The following ZC3HAV1 variants were observed in gnomAD, a reference collection of about 807,000 sequenced individuals.
ZC3HAV1 encodes the protein zinc finger CCCH-type antiviral protein 1.
In ZC3HAV1, 41 loss-of-function variants were observed where a neutral mutation model predicts 86.6. The observed-to-expected ratio is 0.47, with a 90% CI of 0.37 to 0.61. The LOEUF is 0.61. Among genes scored for constraint, ZC3HAV1 ranks in the 20% least tolerant of loss-of-function variants. The probability of loss-of-function intolerance (pLI) is 0.00; values close to 1 mark genes in which losing one functional copy is unlikely to be tolerated. For missense variants in ZC3HAV1, 964 were observed against 1,141.1 expected, an observed-to-expected ratio of 0.84 and a Z score of 2.24; for synonymous variants, 421 against 432.1, an observed-to-expected ratio of 0.97 and a Z score of 0.32.
At chr7:139,056,688 T>A (rs1308087664) in intron 9 of ZC3HAV1, among the ~76,000 whole-genome samples, 1 of 152,180 alleles carries the variant, frequency 6.6e-6, no homozygotes, top group African/African-American at 2.4e-5. Context: ...ATTACAGGCA[T>A]GAGCCACCAC....
At chr7:139,080,533 G>A (rs1054777621) in intron 3 of ZC3HAV1, among the ~76,000 whole-genome samples, 32 of 152,136 alleles carry the variant, frequency 2.1e-4, no homozygotes, top group African/African-American at 7.2e-4. Flanking sequence ...GGGCTCCAGC[G>A]ATCCTCCCAC....
chr7:139,095,695 G>A (rs924546033), intron 1 of ZC3HAV1, among the ~76,000 whole-genome samples: 24 of 152,120 alleles, frequency 1.6e-4, no homozygotes, highest in African/African-American at 5.3e-4. Context: ...AACAGCACCG[G>A]TGCCACCAAA....
At chr7:139,095,121 C>T (rs1306169456) in intron 1 of ZC3HAV1, among the ~76,000 whole-genome samples, 2 of 151,866 alleles carry the variant, frequency 1.3e-5, no homozygotes, top group Non-Finnish European at 2.9e-5. Context: ...AAATCACTCA[C>T]CATGATATAA....
intron 8 of ZC3HAV1, among the ~76,000 whole-genome samples, chr7:139,062,546 T>A (rs1199106942): frequency 6.6e-6 from 1 of 152,252 alleles, no homozygotes; most frequent in Non-Finnish European, 1.5e-5. Context: ...ATTTTCTCAG[T>A]AACTGTTACC....
chr7:139,063,533 G>A (rs1816507383), intron 8 of ZC3HAV1, among the ~76,000 whole-genome samples: 1 of 151,860 alleles, frequency 6.6e-6, no homozygotes, highest in Admixed American at 6.6e-5. Context: ...ATCAGCCTGG[G>A]CAACAAAGTG....
chr7:139,098,142 G>C (rs985139157), intron 1 of ZC3HAV1, among the ~76,000 whole-genome samples: 1 of 151,856 alleles, frequency 6.6e-6, no homozygotes, highest in Non-Finnish European at 1.5e-5. Context: ...TAGAGATGGG[G>C]TTCCACCATC....
intron 3 of ZC3HAV1, 110 bp downstream of exon 3, chr7:139,083,670 T>C (rs1817191253): frequency 7.3e-7 from 1 of 1,376,102 alleles, no homozygotes; most frequent in South Asian, 1.6e-5. Context: ...GAGGTTGCAG[T>C]GAGCTGAGAT....
chr7:139,066,418 G>A (rs753210951), intron 7 of ZC3HAV1, among the ~76,000 whole-genome samples: 9 of 152,268 alleles, frequency 5.9e-5, no homozygotes, highest in Admixed American at 1.3e-4. Flanking sequence ...CATGGTGGGA[G>A]CAGAAAGCAG....
In ZC3HAV1 at chr7:139,108,963, G is replaced by T. The variant is rs1818019620; in HGVS notation, c.308+61C>A. Reference sequence around the variant, plus strand: ...CCGTGCCCCTCCCAGAACATTGCCCGCCTGGACAGTCCACCCCGACCACGG... The same window carrying T: ...CCGTGCCCCTCCCAGAACATTGCCCTCCTGGACAGTCCACCCCGACCACGG... On this transcript the variant is annotated intron_variant, in intron 1 of 12. Coordinates refer to ENST00000242351, the MANE Select transcript of ZC3HAV1 (RefSeq NM_020119.4). The surrounding 1 kb of genome is among the most constrained non-coding windows in gnomAD (Gnocchi z 4.2). The T allele has an allele frequency of 1.1e-5, 16 of 1,487,300 alleles. No individual in the cohort carries two copies. The South Asian group carries it at 2.0e-4, about 19-fold the overall frequency. The allele number at this position is 1,487,300 out of a possible 1,614,324, so 92.1% of individuals were successfully genotyped here.
rs1377403985 is a variant in ZC3HAV1, at chr7:139,044,169, A to C, written c.*3425T>G. ...GACAATCTGTAATTTGTCTTGTCCTATTATCCTTAAGTAAGGTAATTTCGC... is the reference window on the plus strand; with the variant it reads ...GACAATCTGTAATTTGTCTTGTCCTCTTATCCTTAAGTAAGGTAATTTCGC... On this transcript the variant is annotated 3_prime_UTR_variant, in exon 13 of 13. Transcript: ENST00000242351. 2 of 152,202 alleles carry C rather than the reference A, an allele frequency of 1.3e-5. No homozygotes were observed. The highest frequency in any genetic ancestry group is 2.4e-5 in the African/African-American group (1 of 41,458). 9.4% of individuals were successfully genotyped at this position (152,202 alleles called of 1,614,324 possible).
chr7:139,057,061 AAGTT>A (rs1346683661), intron 9 of ZC3HAV1, among the ~76,000 whole-genome samples: 4 of 152,094 alleles, frequency 2.6e-5, no homozygotes, highest in Admixed American at 2.0e-4. Context: ...AAAAGAAAAA[AAGTT>A]AGGCCAGGTG....
chr7:139,064,243 G>A (rs764825203), intron 8 of ZC3HAV1, among the ~76,000 whole-genome samples: 2 of 152,176 alleles, frequency 1.3e-5, no homozygotes, highest in South Asian at 2.1e-4. Flanking sequence ...TGCAAGTCCC[G>A]AAAGGGCAAG....
chr7:139,105,066 T>C (rs2130742352), intron 1 of ZC3HAV1, among the ~76,000 whole-genome samples: 1 of 150,268 alleles, frequency 6.7e-6, no homozygotes, highest in East Asian at 2.0e-4. Flanking sequence ...AAAGAAAAGT[T>C]AGCCGGACAT....
chr7:139,097,358 A>T (rs1386344375), intron 1 of ZC3HAV1, among the ~76,000 whole-genome samples: 1 of 139,396 alleles, frequency 7.2e-6, no homozygotes, highest in Middle Eastern at 3.8e-3. Context: ...CCCAGAAGCT[A>T]CTCAAAACAA....
intron 3 of ZC3HAV1, 146 bp from the exon 4 acceptor site, chr7:139,080,389 A>G (rs1817094159): frequency 9.8e-7 from 1 of 1,025,592 alleles, no homozygotes; most frequent in Non-Finnish European, 1.4e-6. Context: ...GATGTGTAAA[A>G]ATCTTGAAGA....
chr7:139,060,226 G>A, intron 9 of ZC3HAV1: 7 of 984,702 alleles, frequency 7.1e-6, no homozygotes, highest in Non-Finnish European at 8.4e-6. Flanking sequence ...CAAATAGCTT[G>A]AATTCTTACA....
In ZC3HAV1 at chr7:139,080,231, T is replaced by C. The variant is rs747676639; in HGVS notation, c.710A>G (p.His237Arg). Residue 237 changes from histidine to arginine, a missense_variant, in exon 4 of 13, where the codon CAT becomes CGT. Coordinates refer to ENST00000242351, the MANE Select transcript of ZC3HAV1 (RefSeq NM_020119.4). ...AGCCCTATATGCCATGTTTCTACGA[T>C]GTGAAGAAGGAGCTAAGGGGAAAAA... ...NPPGPRAPSS[H>R]RRNMAYRARS... 7 of 1,613,986 alleles carry C rather than the reference T, an allele frequency of 4.3e-6. No individual in the cohort carries two copies. The highest frequency in any genetic ancestry group is 3.3e-5 in the South Asian group (3 of 91,084).
At chr7:139,073,331 AAT>A (rs1307104815) in intron 7 of ZC3HAV1, among the ~76,000 whole-genome samples, 1 of 151,978 alleles carries the variant, frequency 6.6e-6, no homozygotes, top group African/African-American at 2.4e-5. Context: ...AATAAAAATT[AAT>A]ATATACTTTA....
Position 139,057,762 on chromosome 7 carries a change from G to T in ZC3HAV1, c.2097-2467C>A, listed in dbSNP as rs190206251. On this transcript the variant is annotated intron_variant, in intron 9 of 12. Transcript: ENST00000242351. ...TCACCGTGTTAGCCAGGATGGTCTC[G>T]ATCTCCTGACCTCGTGATCCGCCCA... Among the ~76,000 whole-genome samples the T allele has an allele frequency of 8.4e-5, 2 of 23,850 alleles. 1 individual carries two copies. The highest frequency in any genetic ancestry group is 1.5e-4 in the Non-Finnish European group (2 of 13,106). 15.6% of individuals were successfully genotyped at this position (23,850 alleles called of 152,430 possible). A position where few individuals can be genotyped will look rare whatever the true frequency, so the allele number is the denominator to read the frequency against.
Sources: gnomAD v4.1 joint callset for allele counts (sites outside exome capture counted in the v4.1 genomes callset) on GRCh38, gnomAD v4.1.1 for gene constraint, Gnocchi (gnomAD v3.1) non-coding constraint, MANE v1.5 for transcripts, NCBI Gene and HGNC (gene_info 2026-07-23, HGNC 2026-07-21) for gene names.